MRPL39: variants seen among roughly 807,000 people sequenced by gnomAD.
MRPL39 encodes large ribosomal subunit protein mL39.
MRPL39 carries 35 observed loss-of-function variants against 44.5 expected under a neutral mutation model. The ratio of observed to expected loss-of-function variants is 0.79; its 90% CI spans 0.60 to 1.04. MRPL39 has a LOEUF of 1.04. Ranked by LOEUF, MRPL39 falls within the 50% of genes least tolerant of loss-of-function variation. MRPL39 has a pLI of 0.00. For missense variants in MRPL39, 433 were observed against 413.5 expected (o/e 1.05, Z -0.41); for synonymous variants, 139 against 136.1 (o/e 1.02, Z -0.15).
intron 3 of MRPL39, among the ~76,000 whole-genome samples, chr21:25,602,110 C>T (rs1350896877): frequency 1.3e-5 from 2 of 152,202 alleles, no homozygotes; most frequent in African/African-American, 2.4e-5. Context: ...TTCAGAAGCT[C>T]TTCTTAACAT....
In MRPL39 at chr21:25,601,348, G is replaced by GCCATAT. The variant is rs2031515616; in HGVS notation, c.520+19_520+20insATATGG. 2.0e-6 allele frequency: 1 copy of GCCATAT among 501,434 alleles called. No homozygotes were observed. The highest frequency in any genetic ancestry group is 3.8e-5 in the African/African-American group (1 of 26,554). 31.1% of individuals were successfully genotyped at this position (501,434 alleles called of 1,614,324 possible). A position where few individuals can be genotyped will look rare whatever the true frequency, so the allele number is the denominator to read the frequency against. ...CCAAAATATTTAAGGATCACAAAAAGACATATATGTATACACTACCAGGAA... is the reference window on the plus strand; with the variant it reads ...CCAAAATATTTAAGGATCACAAAAAGCCATATACATATATGTATACACTACCAGGAA... On this transcript the variant is annotated intron_variant, in intron 4 of 9. Coordinates refer to ENST00000352957, the MANE Select transcript of MRPL39 (RefSeq NM_017446.4).
In MRPL39 at chr21:25,593,901, C is replaced by T. The variant is rs1245902310; in HGVS notation, c.759G>A (p.Lys253=). 1.9e-6 allele frequency: 3 copies of T among 1,613,322 alleles called. No individual in the cohort carries two copies. The highest frequency in any genetic ancestry group is 2.7e-5 in the African/African-American group (2 of 74,902). Residue 253 remains lysine, a synonymous_variant, in exon 7 of 10, where the codon AAG becomes AAA. Coordinates refer to ENST00000352957, the MANE Select transcript of MRPL39 (RefSeq NM_017446.4). ...KASQNPERIV[K]LHRIGDFIDV... ...TTTAGACTTTTACTTACCTGTGTAG[C>T]TTGACTATTCTCTCAGGGTTCTGAG...
intron 9 of MRPL39, among the ~76,000 whole-genome samples, chr21:25,588,269 G>A (rs1004891155): frequency 2.6e-5 from 4 of 151,492 alleles, no homozygotes; most frequent in Admixed American, 6.6e-5. Context: ...CTGAGATCGC[G>A]CCACTGCACT....
In MRPL39 at chr21:25,598,569, T is replaced by C. The variant is rs1025996774; in HGVS notation, c.589-1155A>G. On this transcript the variant is annotated intron_variant, in intron 5 of 9. Coordinates refer to ENST00000352957, the MANE Select transcript of MRPL39 (RefSeq NM_017446.4). ...AAAAATCTTAAATTTGGAGACATAC[T>C]TGAAAAGGAAGAAGCTACACTGACA... Among the ~76,000 whole-genome samples, 10 of 152,072 alleles carry C rather than the reference T, an allele frequency of 6.6e-5. No homozygotes were observed. The East Asian group carries it at 1.9e-3, about 29-fold the overall frequency.
chr21:25,606,568 C>T lies in MRPL39; in HGVS notation c.161G>A (p.Arg54Lys). Residue 54 changes from arginine to lysine, a missense_variant, in exon 2 of 10, where the codon AGG (arginine) becomes AAG (lysine). Physicochemically the swap from Arg to Lys is conservative, Grantham distance 26. Transcript: ENST00000352957. ...RNDLFNKEKARQLSLTPRTEK... is the reference protein window; with the variant it reads ...RNDLFNKEKAKQLSLTPRTEK... ...AGTTCGGGGAGTTAATGATAACTGC[C>T]TGGCTTTCTCTTTATTAAAGAGATC... 1 of 1,613,976 alleles carries T rather than the reference C, an allele frequency of 6.2e-7. No individual in the cohort carries two copies. Among genetic ancestry groups the T allele is most frequent in the Non-Finnish European group, 8.5e-7 (1 of 1,179,856 alleles).
At position 25,593,128 on chromosome 21, in the gene MRPL39, T is replaced by G. The variant is rs543919289; in HGVS notation, c.768-163A>C. 8.9e-4 allele frequency among the ~76,000 whole-genome samples: 135 copies of G among 152,324 alleles called. 1 individual carries two copies. Among genetic ancestry groups the G allele is most frequent in the African/African-American group, 3.1e-3 (130 of 41,568 alleles). On this transcript the variant is annotated intron_variant, in intron 7 of 9. Coordinates refer to ENST00000352957, the MANE Select transcript of MRPL39 (RefSeq NM_017446.4). The stretch of plus-strand genomic sequence containing the variant: ...TGACCCCTGACATAATGATCTCAAG[T>G]AAAGAGGCTAAAACTTTGAAAATTA...
intron 3 of MRPL39, among the ~76,000 whole-genome samples, chr21:25,602,267 T>C (rs913201260): frequency 3.3e-5 from 5 of 152,222 alleles, no homozygotes; most frequent in African/African-American, 1.2e-4. Context: ...TAAATGTCTG[T>C]TGAACTCCAG....
At chr21:25,607,585 G>C, upstream of MRPL39, 1 of 1,106,912 alleles carries the variant, frequency 9.0e-7, no homozygotes, top group Non-Finnish European at 1.3e-6. Flanking sequence ...CCAGCACTCA[G>C]ACTGCTCGCC....
intron 5 of MRPL39, 129 bp from the exon 6 acceptor site, chr21:25,597,543 T>C: frequency 5.6e-6 from 3 of 536,330 alleles, no homozygotes; most frequent in Non-Finnish European, 9.6e-6. Flanking sequence ...TCAAATTTGT[T>C]AGAACAGAAA....
intron 8 of MRPL39, among the ~76,000 whole-genome samples, 198 bp from the exon 9 acceptor site, chr21:25,589,080 C>T (rs1336280709): frequency 6.6e-6 from 1 of 152,148 alleles, no homozygotes; most frequent in Non-Finnish European, 1.5e-5. Context: ...TTTCTTCAAT[C>T]GCATGAACCC....
intron 6 of MRPL39, among the ~76,000 whole-genome samples, chr21:25,595,954 T>A (rs1391940044): frequency 1.3e-5 from 2 of 152,232 alleles, no homozygotes; most frequent in Non-Finnish European, 2.9e-5. Flanking sequence ...TGTACTCTAG[T>A]TAAAACAGTA....
At chr21:25,588,775 T>C in intron 9 of MRPL39, 60 bp downstream of exon 9, 1 of 1,455,566 alleles carries the variant, frequency 6.9e-7, no homozygotes. Context: ...TGGTTGTTAT[T>C]GGTTAATTTT....
chr21:25,593,868 A>G, intron 7 of MRPL39, 25 bp downstream of exon 7: 1 of 1,598,724 alleles, frequency 6.3e-7, no homozygotes, highest in Non-Finnish European at 8.6e-7. Flanking sequence ...CTAACATAGC[A>G]GCCAGTTTTT....
In MRPL39 at chr21:25,607,450, C is replaced by T. The variant is rs780694003; in HGVS notation, c.26G>A (p.Arg9Gln). The T allele has an allele frequency of 1.9e-6, 3 of 1,613,052 alleles. No individual in the cohort carries two copies. The highest frequency in any genetic ancestry group is 1.7e-6 in the Non-Finnish European group (2 of 1,179,952). Residue 9 changes from arginine (R) to glutamine (Q), a missense_variant, in exon 1 of 10, where the codon CGG (arginine) becomes CAG (glutamine). Coordinates refer to ENST00000352957, the MANE Select transcript of MRPL39 (RefSeq NM_017446.4). MEALAMGS[R>Q]ALRLWLVAPG... ...TGCGACCAGCCAGAGCCGCAGCGCC[C>T]GGGAACCCATGGCCAGCGCCTCCAT...
intron 3 of MRPL39, 99 bp downstream of exon 3, chr21:25,603,697 A>G: frequency 1.6e-6 from 2 of 1,252,714 alleles, no homozygotes; most frequent in Non-Finnish European, 2.2e-6. Flanking sequence ...CAACATTTGA[A>G]CTTGGCCATA....
intron 9 of MRPL39, among the ~76,000 whole-genome samples, chr21:25,586,344 T>A (rs2030996713): frequency 6.6e-6 from 1 of 152,176 alleles, no homozygotes; most frequent in Non-Finnish European, 1.5e-5. Flanking sequence ...TCAACAGTCC[T>A]ACTAATTCAG....
intron 9 of MRPL39, 72 bp from the exon 10 acceptor site, chr21:25,585,826 TC>T: frequency 9.7e-7 from 1 of 1,031,614 alleles, no homozygotes; most frequent in Non-Finnish European, 1.5e-6. Context: ...CCATTTTAAA[TC>T]ATTCCACAGC....
intron 8 of MRPL39, 127 bp downstream of exon 8, chr21:25,592,685 A>C: frequency 1.5e-6 from 1 of 663,952 alleles, no homozygotes; most frequent in East Asian, 3.1e-5. Flanking sequence ...ACCTGAGTTT[A>C]TAAAATATTA....
chr21:25,605,467 C>G (rs2031634075), intron 2 of MRPL39, among the ~76,000 whole-genome samples: 1 of 151,840 alleles, frequency 6.6e-6, no homozygotes, highest in Admixed American at 6.6e-5. Flanking sequence ...ACAGAGAGAG[C>G]CAAGTGGAAA....
Sources: allele counts gnomAD v4.1 joint callset (sites outside exome capture counted in the v4.1 genomes callset), GRCh38; gene constraint gnomAD v4.1.1; transcripts MANE v1.5; gene names NCBI Gene and HGNC (gene_info 2026-07-23, HGNC 2026-07-21).